ARK2N: variants seen among roughly 807,000 people sequenced by gnomAD.
The protein encoded by ARK2N is arkadia (RNF111) N-terminal like PKA signaling regulator 2N, also known as protein ARK2N.
chr18:46,222,987 G>A, the ARK2N span, among the ~76,000 whole-genome samples: 2,108 of 152,260 alleles, frequency 0.014, 24 homozygotes, highest in Middle Eastern at 0.027. Flanking sequence ...AAAATGTCTT[G>A]CTTATCAGTG....
the ARK2N span, among the ~76,000 whole-genome samples, chr18:46,224,068 C>T: frequency 2.0e-5 from 3 of 152,080 alleles, no homozygotes; most frequent in Non-Finnish European, 2.9e-5. Context: ...TATATGGGGC[C>T]ATATCCTAAA....
At chr18:46,204,532 G>T in the ARK2N span, among the ~76,000 whole-genome samples, 2,354 of 152,130 alleles carry the variant, frequency 0.015, 74 homozygotes, top group African/African-American at 0.054. Context: ...AAAGCAACAT[G>T]GAATTCATGA....
the ARK2N span, among the ~76,000 whole-genome samples, chr18:46,259,230 G>GCTTT: frequency 5.3e-5 from 8 of 150,454 alleles, no homozygotes; most frequent in African/African-American, 1.7e-4. Flanking sequence ...GTCACTCTGA[G>GCTTT]CTTTCTTTCT....
At chr18:46,238,587 T>C in the ARK2N span, among the ~76,000 whole-genome samples, 1 of 152,232 alleles carries the variant, frequency 6.6e-6, no homozygotes, top group South Asian at 2.1e-4. Context: ...ATCTGGAAAT[T>C]ATTTTTAAGT....
At chr18:46,252,065 C>T in the ARK2N span, among the ~76,000 whole-genome samples, 4 of 151,858 alleles carry the variant, frequency 2.6e-5, no homozygotes, top group South Asian at 4.2e-4. Context: ...TGGTGGCGTG[C>T]GCCTGTAATC....
the ARK2N span, among the ~76,000 whole-genome samples, chr18:46,257,466 G>C: frequency 6.6e-6 from 1 of 152,092 alleles, no homozygotes; most frequent in Non-Finnish European, 1.5e-5. Context: ...GCTAATGGTT[G>C]AACGCATATT....
chr18:46,206,825 G>A, the ARK2N span, among the ~76,000 whole-genome samples: 2 of 152,026 alleles, frequency 1.3e-5, no homozygotes, highest in African/African-American at 4.8e-5. Flanking sequence ...CACCCAGGCT[G>A]GAGTGCAGTG....
At chr18:46,247,230 G>A in the ARK2N span, among the ~76,000 whole-genome samples, 4 of 151,726 alleles carry the variant, frequency 2.6e-5, no homozygotes, top group East Asian at 1.9e-4. Context: ...GTAACTTTTC[G>A]TTTCATAAAA....
At chr18:46,263,861 C>G in the ARK2N span, 1 of 152,598 alleles carries the variant, frequency 6.6e-6, no homozygotes, top group African/African-American at 2.4e-5. Context: ...ATGAGGTGTT[C>G]TGGGCATCTG....
At chr18:46,230,214 C>T in the ARK2N span, among the ~76,000 whole-genome samples, 6 of 152,150 alleles carry the variant, frequency 3.9e-5, no homozygotes, top group Non-Finnish European at 5.9e-5. Context: ...CGTGAGGCAC[C>T]GCGCCTGGCC....
chr18:46,225,110 T>C, the ARK2N span, among the ~76,000 whole-genome samples: 1 of 152,232 alleles, frequency 6.6e-6, no homozygotes, highest in Non-Finnish European at 1.5e-5. Flanking sequence ...GTAACTCATC[T>C]TGACACTGGC....
At chr18:46,253,682 C>T in the ARK2N span, 1 of 1,599,192 alleles carries the variant, frequency 6.3e-7, no homozygotes, top group Non-Finnish European at 8.5e-7. Flanking sequence ...TTTTTTTCCT[C>T]CCCTTCTCTC....
chr18:46,261,271 G>A, the ARK2N span, among the ~76,000 whole-genome samples: 1 of 152,196 alleles, frequency 6.6e-6, no homozygotes, highest in Non-Finnish European at 1.5e-5. Context: ...GAAAGCATTG[G>A]ACCCAAAATC....
At chr18:46,223,461 G>C in the ARK2N span, among the ~76,000 whole-genome samples, 1 of 152,202 alleles carries the variant, frequency 6.6e-6, no homozygotes, top group Non-Finnish European at 1.5e-5. Context: ...TTTAGGCATT[G>C]AAAATAGGTG....
At chr18:46,210,785 C>G in the ARK2N span, among the ~76,000 whole-genome samples, 2 of 152,004 alleles carry the variant, frequency 1.3e-5, no homozygotes, top group African/African-American at 2.4e-5. Context: ...TGGCTTGCAC[C>G]TGTAGTCTCA....
the ARK2N span, among the ~76,000 whole-genome samples, chr18:46,247,351 A>C: frequency 6.6e-6 from 1 of 152,212 alleles, no homozygotes; most frequent in Non-Finnish European, 1.5e-5. Flanking sequence ...TTGATGACAG[A>C]TATTTCACAA....
At chr18:46,262,331 G>A in the ARK2N span, among the ~76,000 whole-genome samples, 5 of 152,198 alleles carry the variant, frequency 3.3e-5, no homozygotes, top group African/African-American at 1.2e-4. Flanking sequence ...TTACTTTCAC[G>A]GAACCAAATT....
chr18:46,191,684 T>G, the ARK2N span, among the ~76,000 whole-genome samples: 1 of 152,146 alleles, frequency 6.6e-6, no homozygotes, highest in African/African-American at 2.4e-5. Context: ...TCACCCAAAG[T>G]TCATAGGTTA....
chr18:46,216,297 G>A, the ARK2N span: 2 of 1,614,018 alleles, frequency 1.2e-6, no homozygotes, highest in Non-Finnish European at 1.7e-6. The surrounding 1 kb of genome is among the most constrained non-coding windows in gnomAD (Gnocchi z 4.3). Context: ...TTGGGCGCAA[G>A]TCTAGGCGGT....
Sources: allele counts gnomAD v4.1 joint callset (sites outside exome capture counted in the v4.1 genomes callset), GRCh38; gene constraint gnomAD v4.1.1; non-coding constraint Gnocchi (gnomAD v3.1); transcripts MANE v1.5; gene names NCBI Gene and HGNC (gene_info 2026-07-23, HGNC 2026-07-21).